Variants in KCNAB1 observed in about 807,000 individuals in gnomAD.
KCNAB1 encodes the protein voltage-gated potassium channel subunit beta-1.
A neutral mutation model predicts 64.6 loss-of-function variants in KCNAB1; 35 were observed. The ratio of observed to expected loss-of-function variants is 0.54; its 90% CI spans 0.41 to 0.72. KCNAB1 has a LOEUF of 0.72. KCNAB1 is among the 30% of genes least tolerant of loss of function. KCNAB1 has a pLI of 0.00. For missense variants in KCNAB1, 401 were observed against 512.9 expected, an observed-to-expected ratio of 0.78 and a Z score of 2.11; for synonymous variants, 177 against 183.8, an observed-to-expected ratio of 0.96 and a Z score of 0.30.
intron 1 of KCNAB1, among the ~76,000 whole-genome samples, chr3:156,300,567 A>G (rs1201715226): frequency 2.0e-5 from 3 of 152,216 alleles, no homozygotes; most frequent in Non-Finnish European, 4.4e-5. Context: ...AATAACAGAA[A>G]CATGGTATGT....
chr3:156,505,032 TTCAGG>T (rs1287340543), intron 8 of KCNAB1, among the ~76,000 whole-genome samples: 3 of 152,304 alleles, frequency 2.0e-5, no homozygotes, highest in African/African-American at 7.2e-5. Context: ...GTGTCATAGC[TTCAGG>T]TCAGGTCTTA....
At chr3:156,214,912 A>G (rs139425195) in intron 1 of KCNAB1, among the ~76,000 whole-genome samples, 1 of 152,314 alleles carries the variant, frequency 6.6e-6, no homozygotes, top group East Asian at 1.9e-4. Flanking sequence ...GGATCTTCAC[A>G]CACTGGTCTT....
chr3:156,522,234 T>C, intron 11 of KCNAB1, among the ~76,000 whole-genome samples: 1 of 151,834 alleles, frequency 6.6e-6, no homozygotes. Flanking sequence ...TCAATCTTTG[T>C]TAGTCGGTTT....
intron 7 of KCNAB1, among the ~76,000 whole-genome samples, chr3:156,471,093 G>A (rs573121723): frequency 6.6e-5 from 10 of 152,316 alleles, no homozygotes; most frequent in South Asian, 2.1e-4. Flanking sequence ...AAGCAAGTGC[G>A]TGGTAGGTGT....
chr3:156,450,738 C>T (rs2108275337), intron 2 of KCNAB1, among the ~76,000 whole-genome samples: 1 of 152,208 alleles, frequency 6.6e-6, no homozygotes, highest in Middle Eastern at 3.4e-3. Context: ...TTCTTCAGTC[C>T]ATTAAATTTT....
chr3:156,286,978 C>G (rs1300675676), intron 1 of KCNAB1, among the ~76,000 whole-genome samples: 1 of 152,180 alleles, frequency 6.6e-6, no homozygotes, highest in African/African-American at 2.4e-5. Flanking sequence ...CAGAGAACCA[C>G]GTTCTTGCAC....
At chr3:156,492,484 A>G (rs1300923405) in intron 8 of KCNAB1, among the ~76,000 whole-genome samples, 1 of 152,048 alleles carries the variant, frequency 6.6e-6, no homozygotes, top group Non-Finnish European at 1.5e-5. Context: ...GAGACACCAT[A>G]TATACAGAGA....
chr3:156,293,259 G>GT (rs1186562884), intron 1 of KCNAB1, among the ~76,000 whole-genome samples: 1 of 152,200 alleles, frequency 6.6e-6, no homozygotes, highest in Non-Finnish European at 1.5e-5. Context: ...AAAAGTGTTT[G>GT]TGAATGTAGA....
chr3:156,347,205 C>T (rs1724536835), intron 1 of KCNAB1, among the ~76,000 whole-genome samples: 1 of 152,110 alleles, frequency 6.6e-6, no homozygotes, highest in Admixed American at 6.6e-5. Flanking sequence ...GACTCTGATC[C>T]AGTATTTGTG....
chr3:156,457,144 AAG>A (rs1397944634), intron 3 of KCNAB1: 5 of 1,029,302 alleles, frequency 4.9e-6, no homozygotes, highest in Non-Finnish European at 6.0e-6. Context: ...CAGAAAGATT[AAG>A]ATGCCATAAA....
chr3:156,460,371 T>G (rs1015804143), intron 5 of KCNAB1: 1 of 153,342 alleles, frequency 6.5e-6, no homozygotes, highest in Non-Finnish European at 1.5e-5. Context: ...AACCCTATTA[T>G]CTGGCTATTC....
chr3:156,148,061 A>T lies in KCNAB1; in HGVS notation c.275+27175A>T, dbSNP rs554414014. Reference sequence around the variant, plus strand: ...TGTCTACTTTTCCAGGCTCCCCGTTATTGTGCTCTGTGACTTGCTTAGTCC... The same window carrying T: ...TGTCTACTTTTCCAGGCTCCCCGTTTTTGTGCTCTGTGACTTGCTTAGTCC... On this transcript the variant is annotated intron_variant, in intron 1 of 13. Transcript: ENST00000490337. Among the ~76,000 whole-genome samples, 9 of 151,966 alleles carry T rather than the reference A, an allele frequency of 5.9e-5. No individual in the cohort carries two copies. The South Asian group carries it at 1.9e-3, about 32-fold the overall frequency.
Position 156,479,981 on chromosome 3 carries a change from G to A in KCNAB1, c.658+5161G>A, listed in dbSNP as rs534848675. ...CATCTATGGATATTCAGGGATTCAG[G>A]ATATCCAATGACAACTTAGAAAATG... On this transcript the variant is annotated intron_variant, in intron 8 of 13. Coordinates refer to ENST00000490337, the MANE Select transcript of KCNAB1 (RefSeq NM_172160.3). Among the ~76,000 whole-genome samples the A allele has an allele frequency of 5.3e-5, 8 of 152,160 alleles. No homozygotes were observed. In the East Asian group the frequency reaches 1.5e-3, roughly 29 times the overall value.
At chr3:156,193,635 G>A (rs1038434533) in intron 1 of KCNAB1, among the ~76,000 whole-genome samples, 1 of 152,150 alleles carries the variant, frequency 6.6e-6, no homozygotes, top group Non-Finnish European at 1.5e-5. Flanking sequence ...ATGAGAGAGA[G>A]TGAAGGGAGA....
intron 1 of KCNAB1, among the ~76,000 whole-genome samples, chr3:156,158,882 T>A (rs2108306435): frequency 6.6e-6 from 1 of 152,326 alleles, no homozygotes; most frequent in Admixed American, 6.5e-5. Context: ...TTATGATTCT[T>A]TAGTTTTGAT....
chr3:156,270,045 A>G (rs753696495), intron 1 of KCNAB1, among the ~76,000 whole-genome samples: 3 of 150,340 alleles, frequency 2.0e-5, no homozygotes, highest in Non-Finnish European at 4.4e-5. Flanking sequence ...CCTCCTGATT[A>G]GCTGGGACTA....
intron 1 of KCNAB1, among the ~76,000 whole-genome samples, chr3:156,411,700 T>C (rs896922397): frequency 6.6e-6 from 1 of 152,194 alleles, no homozygotes; most frequent in African/African-American, 2.4e-5. Flanking sequence ...GACCTGTCTG[T>C]TCTGTTCCAC....
intron 1 of KCNAB1, among the ~76,000 whole-genome samples, chr3:156,330,579 C>A (rs899442820): frequency 1.3e-5 from 2 of 152,138 alleles, no homozygotes; most frequent in Admixed American, 6.6e-5. Context: ...CTTAATGGAG[C>A]AAGATGAGCT....
At chr3:156,137,223 T>TG (rs71624582) in intron 1 of KCNAB1, among the ~76,000 whole-genome samples, 38 of 29,006 alleles carry the variant, frequency 1.3e-3, no homozygotes, top group South Asian at 0.01. Context: ...CATACATTGG[T>TG]GGGGGGGGAT....
Sources: allele counts gnomAD v4.1 joint callset (sites outside exome capture counted in the v4.1 genomes callset), GRCh38; gene constraint gnomAD v4.1.1; transcripts MANE v1.5; gene names NCBI Gene and HGNC (gene_info 2026-07-23, HGNC 2026-07-21).